The following LOXL3 variants were observed in gnomAD, a reference collection of about 807,000 sequenced individuals.
LOXL3 encodes the protein lysyl oxidase like 3, also known as lysyl oxidase homolog 3.
In LOXL3, 60 loss-of-function variants were observed where a neutral mutation model predicts 91.8. That is an observed-to-expected ratio of 0.65 (90% CI 0.53 to 0.81). The LOEUF (loss-of-function observed/expected upper bound fraction) is 0.81. Ranked by LOEUF, LOXL3 falls within the 30% of genes least tolerant of loss-of-function variation. The probability of loss-of-function intolerance (pLI) is 0.00; values close to 1 mark genes in which losing one functional copy is unlikely to be tolerated. For missense variants in LOXL3, 874 were observed against 1,000.4 expected (o/e 0.87, Z 1.70); for synonymous variants, 355 against 387.6 (o/e 0.92, Z 0.99).
In LOXL3 at chr2:74,533,830, GTC is replaced by G. The variant is rs754570470; in HGVS notation, c.2188+50_2188+51del. ...ACAAGCTATGGAAAAGAGAATGAAC[GTC>G]TTTCCCTCCCATCCCCTAATCTTCC... On this transcript the variant is annotated intron_variant, in intron 13 of 13. Transcript: ENST00000264094. 12 of 1,499,946 alleles carry G rather than the reference GTC, an allele frequency of 8.0e-6. No individual in the cohort carries two copies. The South Asian group carries it at 1.4e-4, about 17-fold the overall frequency. The allele number at this position is 1,499,946 out of a possible 1,614,324, so 92.9% of individuals were successfully genotyped here. A position where few individuals can be genotyped will look rare whatever the true frequency, so the allele number is the denominator to read the frequency against.
chr2:74,549,290 G>A lies in LOXL3; in HGVS notation c.692+79C>T. ...CCGGGTCCTCCCGTGCCCCGGACCTGCTCAGATGTCTCCCAAGGCTATTCA... is the reference window on the plus strand; with the variant it reads ...CCGGGTCCTCCCGTGCCCCGGACCTACTCAGATGTCTCCCAAGGCTATTCA... On this transcript the variant is annotated intron_variant, in intron 4 of 13. Transcript: ENST00000264094. This position sits in a 1 kb window ranked among gnomAD's most constrained non-coding sequence, Gnocchi z 5.3. 1 of 1,447,384 alleles carries A rather than the reference G, an allele frequency of 6.9e-7. No individual in the cohort carries two copies. The highest frequency in any genetic ancestry group is 9.2e-7 in the Non-Finnish European group (1 of 1,091,512). 89.7% of individuals were successfully genotyped at this position (1,447,384 alleles called of 1,614,324 possible).
chr2:74,542,135 A>G (rs1279151861), intron 4 of LOXL3, among the ~76,000 whole-genome samples: 2 of 152,128 alleles, frequency 1.3e-5, no homozygotes, highest in African/African-American at 4.8e-5. Flanking sequence ...TCTACAAAAA[A>G]TTTAAAAATT....
chr2:74,536,482 GA>G lies in LOXL3; in HGVS notation c.913-12del. ...TAGACGGACACGGGCCTATAGAAGA[GA>G]GAAGTGCCCAACAGAGGCAAATGGC... On this transcript the variant is annotated splice_polypyrimidine_tract_variant and intron_variant, in intron 5 of 13. Transcript: ENST00000264094. This position sits in a 1 kb window ranked among gnomAD's most constrained non-coding sequence, Gnocchi z 4.5. 6.2e-7 allele frequency: 1 copy of G among 1,609,254 alleles called. No homozygotes were observed.
At chr2:74,541,377 T>C (rs1676315197) in intron 4 of LOXL3, among the ~76,000 whole-genome samples, 1 of 152,242 alleles carries the variant, frequency 6.6e-6, no homozygotes, top group Admixed American at 6.5e-5. Context: ...AATATACGTA[T>C]ATATTTTAAA....
chr2:74,555,175 G>A (rs757410769), upstream of LOXL3: 4 of 1,612,902 alleles, frequency 2.5e-6, no homozygotes. This position sits in a 1 kb window ranked among gnomAD's most constrained non-coding sequence, Gnocchi z 6.1. Context: ...GACCTGGGCC[G>A]TGCTCTACCC....
intron 4 of LOXL3, among the ~76,000 whole-genome samples, chr2:74,540,655 T>C (rs1676273327): frequency 6.7e-6 from 1 of 149,362 alleles, no homozygotes; most frequent in Non-Finnish European, 1.5e-5. Context: ...GGGAAATAAA[T>C]AATTTTTCCT....
In LOXL3 at chr2:74,549,121, C is replaced by A; in HGVS notation, c.692+248G>T. 1 of 371,918 alleles carries A rather than the reference C, an allele frequency of 2.7e-6. No individual in the cohort carries two copies. Among genetic ancestry groups the A allele is most frequent in the Non-Finnish European group, 4.7e-6 (1 of 211,298 alleles). 23.0% of individuals were successfully genotyped at this position (371,918 alleles called of 1,614,324 possible). On this transcript the variant is annotated intron_variant, in intron 4 of 13. Coordinates refer to ENST00000264094, the MANE Select transcript of LOXL3 (RefSeq NM_032603.5). This position sits in a 1 kb window ranked among gnomAD's most constrained non-coding sequence, Gnocchi z 5.3. ...CCCGGGGCCGAGGAATCCGCCTGCC[C>A]GCCCAGGCGTCGGCCACGAGAGAGC...
At position 74,550,305 on chromosome 2, in the gene LOXL3, C is replaced by T. The variant is rs779427826; in HGVS notation, c.357G>A (p.Gln119=). ...LDNLSCSGTE[Q]SVTECASRGW... is the part of the protein sequence containing the mutation. ...CCCGGGAGGCACATTCAGTCACACT[C>T]TGCTCGGTCCCACTGCAGCTCAAGT... The change falls in exon 3 of 14, where the codon CAG becomes CAA. Residue 119 remains glutamine (Q), a synonymous_variant. Transcript: ENST00000264094. The T allele has an allele frequency of 6.2e-7, 1 of 1,614,150 alleles. No individual in the cohort carries two copies. Among genetic ancestry groups the T allele is most frequent in the Non-Finnish European group, 8.5e-7 (1 of 1,180,010 alleles).
At chr2:74,542,894 G>C (rs1676403047) in intron 4 of LOXL3, among the ~76,000 whole-genome samples, 1 of 152,022 alleles carries the variant, frequency 6.6e-6, no homozygotes, top group African/African-American at 2.4e-5. Flanking sequence ...CAAAGTGCTG[G>C]GATTACAGGT....
chr2:74,539,388 T>A (rs2104408229), intron 4 of LOXL3, among the ~76,000 whole-genome samples: 2 of 151,866 alleles, frequency 1.3e-5, no homozygotes, highest in Middle Eastern at 6.8e-3. Context: ...TAATGGGAAA[T>A]CTAGCGATGT....
chr2:74,535,980 A>G lies in LOXL3; in HGVS notation c.1248+16T>C. The G allele has an allele frequency of 6.4e-7, 1 of 1,552,024 alleles. No homozygotes were observed. Among genetic ancestry groups the G allele is most frequent in the Non-Finnish European group, 8.7e-7 (1 of 1,153,246 alleles). On this transcript the variant is annotated intron_variant, in intron 7 of 13. Transcript: ENST00000264094. The surrounding 1 kb of genome is among the most constrained non-coding windows in gnomAD (Gnocchi z 4.2). ...GGATGAAAGAGACCTCAACCAAGGT[A>G]GAGAGGATGACTGACCCTGGTCTCT... is the stretch of plus-strand genomic sequence containing the variant.
chr2:74,554,352 A>C, upstream of LOXL3: 5 of 190,776 alleles, frequency 2.6e-5, no homozygotes, highest in Non-Finnish European at 4.3e-5. The surrounding 1 kb of genome is among the most constrained non-coding windows in gnomAD (Gnocchi z 4.9). Flanking sequence ...GGGCCCGGCC[A>C]GGGTAAATAA....
At chr2:74,555,611 C>T (rs1245793711), upstream of LOXL3, 2 of 1,614,074 alleles carry the variant, frequency 1.2e-6, no homozygotes, top group Non-Finnish European at 8.5e-7. The surrounding 1 kb of genome is among the most constrained non-coding windows in gnomAD (Gnocchi z 6.1). Context: ...CGATAACCCA[C>T]CTAAGCTTTC....
chr2:74,536,575 G>A lies in LOXL3; in HGVS notation c.913-104C>T, dbSNP rs1156554655. On this transcript the variant is annotated intron_variant, in intron 5 of 13. Transcript: ENST00000264094. This position sits in a 1 kb window ranked among gnomAD's most constrained non-coding sequence, Gnocchi z 4.5. Reference sequence around the variant, plus strand: ...AGACTTTGGTGGAAGGGAGTGGGTGGTATCAGGTCTGTGGCCCACCCCCTG... The same window carrying A: ...AGACTTTGGTGGAAGGGAGTGGGTGATATCAGGTCTGTGGCCCACCCCCTG... 1 of 1,446,678 alleles carries A rather than the reference G, an allele frequency of 6.9e-7. No individual in the cohort carries two copies. Among genetic ancestry groups the A allele is most frequent in the Non-Finnish European group, 9.5e-7 (1 of 1,056,788 alleles). 89.6% of individuals were successfully genotyped at this position (1,446,678 alleles called of 1,614,324 possible).
intron 2 of LOXL3, among the ~76,000 whole-genome samples, chr2:74,550,798 G>A (rs1353943898): frequency 2.6e-5 from 4 of 152,134 alleles, no homozygotes; most frequent in South Asian, 4.1e-4. Context: ...AAGCCAATAC[G>A]TGGGGGCTTA....
Position 74,536,862 on chromosome 2 carries a change from G to A in LOXL3, c.759C>T (p.Ala253=). Residue 253 remains alanine, a synonymous_variant, in exon 5 of 14, where the codon GCC becomes GCT. Transcript: ENST00000264094. The surrounding 1 kb of genome is among the most constrained non-coding windows in gnomAD (Gnocchi z 4.5). ...ACTCCAGGGAACAGAGGGAGAGGTGGGCCTCCGTGCCCACGCACGCCACCC... is the reference window on the plus strand; with the variant it reads ...ACTCCAGGGAACAGAGGGAGAGGTGAGCCTCCGTGCCCACGCACGCCACCC... ...LHGVACVGTE[A]HLSLCSLEFY... is the part of the protein sequence containing the mutation. 1 of 1,614,206 alleles carries A rather than the reference G, an allele frequency of 6.2e-7. No homozygotes were observed. The highest frequency in any genetic ancestry group is 8.5e-7 in the Non-Finnish European group (1 of 1,180,046).
chr2:74,540,326 T>C (rs1676255937), intron 4 of LOXL3, among the ~76,000 whole-genome samples: 1 of 152,196 alleles, frequency 6.6e-6, no homozygotes, highest in South Asian at 2.1e-4. Flanking sequence ...AGTGGAGGGC[T>C]AAGGGGAGCA....
In LOXL3 at chr2:74,535,523, C is replaced by T. The variant is rs1356997664; in HGVS notation, c.1416+65G>A. 2 of 1,611,608 alleles carry T rather than the reference C, an allele frequency of 1.2e-6. No individual in the cohort carries two copies. Among genetic ancestry groups the T allele is most frequent in the Non-Finnish European group, 8.5e-7 (1 of 1,179,674 alleles). ...ATCTTGGGCCAAGGGACTCATTCCT[C>T]AGCCCTCTGCCCAAAACACAGGCTT... On this transcript the variant is annotated intron_variant, in intron 8 of 13. Transcript: ENST00000264094. This position sits in a 1 kb window ranked among gnomAD's most constrained non-coding sequence, Gnocchi z 4.2.
In LOXL3 at chr2:74,533,002, A is replaced by G. The variant is rs532095823; in HGVS notation, c.*604T>C. On this transcript the variant is annotated 3_prime_UTR_variant, in exon 14 of 14. Coordinates refer to ENST00000264094, the MANE Select transcript of LOXL3 (RefSeq NM_032603.5). Reference sequence around the variant, plus strand: ...ACAGAATGAATAGATCACCAAGAGTATGAGGCTCCTGCTCTGATTTCCTCC... The same window carrying G: ...ACAGAATGAATAGATCACCAAGAGTGTGAGGCTCCTGCTCTGATTTCCTCC... 6 of 1,612,660 alleles carry G rather than the reference A, an allele frequency of 3.7e-6. No individual in the cohort carries two copies. The South Asian group carries it at 5.5e-5, about 15-fold the overall frequency.
Sources: allele counts gnomAD v4.1 joint callset (sites outside exome capture counted in the v4.1 genomes callset), GRCh38; gene constraint gnomAD v4.1.1; non-coding constraint Gnocchi (gnomAD v3.1); transcripts MANE v1.5; gene names NCBI Gene and HGNC (gene_info 2026-07-23, HGNC 2026-07-21).